The following UGGT2 variants were observed in gnomAD, a reference collection of about 807,000 sequenced individuals.
UGGT2 encodes UDP-glucose:glycoprotein glucosyltransferase 2.
Under a neutral mutation model 192.1 loss-of-function variants are expected in UGGT2, and 180 were observed. That is an observed-to-expected ratio of 0.94 (90% CI 0.83 to 1.06). The LOEUF is 1.06. UGGT2 is among the 50% of genes least tolerant of loss of function. The pLI, the probability that UGGT2 is intolerant of heterozygous loss-of-function variation, is 0.00. For missense variants in UGGT2, 1,849 were observed against 1,795.7 expected, an observed-to-expected ratio of 1.03 and a Z score of -0.54; for synonymous variants, 580 against 591.0, an observed-to-expected ratio of 0.98 and a Z score of 0.27.
At chr13:96,034,654 G>A (rs531569999) in intron 1 of UGGT2, among the ~76,000 whole-genome samples, 141 of 152,306 alleles carry the variant, frequency 9.3e-4, no homozygotes, top group African/African-American at 3.3e-3. Context: ...TGTGGTTCCT[G>A]GTATCTCCAA....
chr13:95,955,694 T>C (rs2050192801), intron 12 of UGGT2, among the ~76,000 whole-genome samples: 1 of 152,186 alleles, frequency 6.6e-6, no homozygotes. Flanking sequence ...AGGGTTTGGT[T>C]AGAGGGTCAA....
At chr13:95,904,565 G>A (rs1041910731) in intron 20 of UGGT2, among the ~76,000 whole-genome samples, 17 of 150,822 alleles carry the variant, frequency 1.1e-4, no homozygotes, top group Admixed American at 8.0e-4. Context: ...TTGTTCTTGC[G>A]ATAGTTTACT....
intron 6 of UGGT2, among the ~76,000 whole-genome samples, chr13:95,996,783 A>T (rs1256000721): frequency 6.6e-6 from 1 of 152,212 alleles, no homozygotes; most frequent in Non-Finnish European, 1.5e-5. Flanking sequence ...CCAAACCCTA[A>T]GTTTAAATAT....
At chr13:95,968,497 G>A (rs931006778) in intron 12 of UGGT2, among the ~76,000 whole-genome samples, 8 of 152,018 alleles carry the variant, frequency 5.3e-5, no homozygotes, top group African/African-American at 1.9e-4. Flanking sequence ...TGGGTCATGG[G>A]GGCAGATCCC....
chr13:95,841,605 T>C (rs1887870985), intron 36 of UGGT2, among the ~76,000 whole-genome samples: 1 of 152,238 alleles, frequency 6.6e-6, no homozygotes, highest in South Asian at 2.1e-4. Context: ...TAGTATCTTG[T>C]CAGACACATG....
Position 95,847,056 on chromosome 13 carries a change from CTTTTCT to C in UGGT2, c.4284+6481_4284+6486del, listed in dbSNP as rs1288533644. On this transcript the variant is annotated intron_variant, in intron 36 of 38. Coordinates refer to ENST00000376747, the MANE Select transcript of UGGT2 (RefSeq NM_020121.4). ...CAAAAATGCATCTTTCTTTTCTTTT[CTTTTCT>C]TTTTTTTTTTTATTTTACTGATTGC... Among the ~76,000 whole-genome samples, 74 of 101,212 alleles carry C rather than the reference CTTTTCT, an allele frequency of 7.3e-4. 1 individual carries two copies. Among genetic ancestry groups the C allele is most frequent in the East Asian group, 7.0e-4 (2 of 2,848 alleles). 66.4% of individuals were successfully genotyped at this position (101,212 alleles called of 152,430 possible). A position where few individuals can be genotyped will look rare whatever the true frequency, so the allele number is the denominator to read the frequency against.
Position 95,953,754 on chromosome 13 carries a change from C to T in UGGT2, c.1336-4300G>A, listed in dbSNP as rs1299847141. 3.3e-5 allele frequency among the ~76,000 whole-genome samples: 5 copies of T among 151,998 alleles called. No homozygotes were observed. In the East Asian group the frequency reaches 7.7e-4, roughly 24 times the overall value. ...CAAAAAAAAAACTTGGTGAATAGGC[C>T]GTTCCACATTTGGAGAAAAAAGAAT... is the stretch of plus-strand genomic sequence containing the variant. On this transcript the variant is annotated intron_variant, in intron 12 of 38. Transcript: ENST00000376747.
chr13:96,000,697 AT>A (rs2051771728), intron 5 of UGGT2, among the ~76,000 whole-genome samples: 1 of 152,184 alleles, frequency 6.6e-6, no homozygotes, highest in African/African-American at 2.4e-5. Context: ...CACATAGCCA[AT>A]TTCCATTATC....
chr13:96,045,997 T>C (rs1436096006), intron 1 of UGGT2, among the ~76,000 whole-genome samples: 1 of 151,966 alleles, frequency 6.6e-6, no homozygotes, highest in African/African-American at 2.4e-5. Context: ...CTAAAATTCA[T>C]ATGGAACCAA....
intron 38 of UGGT2, among the ~76,000 whole-genome samples, chr13:95,831,267 AAAGTAT>A (rs1886653255): frequency 6.6e-6 from 1 of 152,112 alleles, no homozygotes; most frequent in Non-Finnish European, 1.5e-5. Flanking sequence ...CCTAGAACTT[AAAGTAT>A]AATAATAATA....
intron 24 of UGGT2, 33 bp from the exon 25 acceptor site, chr13:95,890,997 GTGTTAAGTTTAT>G (rs1566645879): frequency 2.0e-6 from 3 of 1,479,322 alleles, no homozygotes; most frequent in Middle Eastern, 1.7e-4. Context: ...GAAAGATGAC[GTGTTAAGTTTAT>G]ACAAACAACT....
rs896005546 is a variant in UGGT2, at chr13:95,856,040, G to A, written c.4008+118C>T. ...GATACTTTGCTTATATATCACAATCGTATCTTAAGCACCGTAATGAAGATA... is the reference window on the plus strand; with the variant it reads ...GATACTTTGCTTATATATCACAATCATATCTTAAGCACCGTAATGAAGATA... On this transcript the variant is annotated intron_variant, in intron 34 of 38. Coordinates refer to ENST00000376747, the MANE Select transcript of UGGT2 (RefSeq NM_020121.4). 47 of 815,838 alleles carry A rather than the reference G, an allele frequency of 5.8e-5. 1 individual carries two copies. The highest frequency in any genetic ancestry group is 2.2e-4 in the Admixed American group (6 of 27,692). The allele number at this position is 815,838 out of a possible 1,614,324, so 50.5% of individuals were successfully genotyped here. A position where few individuals can be genotyped will look rare whatever the true frequency, so the allele number is the denominator to read the frequency against.
rs1594535255 is a variant in UGGT2 at position 95,996,094 on chromosome 13, C to G, written c.799G>C (p.Glu267Gln). ...TTVEDETETN[E>Q]VQGFLFGKLK... ...TTCCCAAAGAGAAATCCTTGAACTT[C>G]ATTTGTTTCAGTCTCATCCTCTACA... The change falls in exon 7 of 39, where the codon GAA becomes CAA. Residue 267 changes from glutamate to glutamine, a missense_variant. Physicochemically the swap from Glu to Gln is conservative, Grantham distance 29. Coordinates refer to ENST00000376747, the MANE Select transcript of UGGT2 (RefSeq NM_020121.4). The G allele has an allele frequency of 1.9e-6, 3 of 1,613,704 alleles. No individual in the cohort carries two copies. In the East Asian group the frequency reaches 6.7e-5, roughly 36 times the overall value.
At chr13:95,833,464 T>C (rs1594102117) in intron 37 of UGGT2, among the ~76,000 whole-genome samples, 2 of 152,082 alleles carry the variant, frequency 1.3e-5, no homozygotes, top group Non-Finnish European at 2.9e-5. Context: ...TTACTAGTAG[T>C]AGGATGTGTA....
chr13:95,897,482 T>G (rs957516377), intron 22 of UGGT2, among the ~76,000 whole-genome samples: 1 of 152,190 alleles, frequency 6.6e-6, no homozygotes, highest in East Asian at 1.9e-4. Context: ...GTGATCATCA[T>G]TGTACCCTAG....
chr13:95,808,751 A>G (rs963312026), intron 38 of UGGT2, among the ~76,000 whole-genome samples: 1 of 152,336 alleles, frequency 6.6e-6, no homozygotes. Flanking sequence ...ACTGAATAGC[A>G]TGTACACTAC....
At chr13:95,941,758 C>T (rs2049687797) in intron 15 of UGGT2, among the ~76,000 whole-genome samples, 1 of 152,058 alleles carries the variant, frequency 6.6e-6, no homozygotes, top group South Asian at 2.1e-4. Context: ...ACATAACATA[C>T]ACATTATGAG....
At chr13:95,823,021 T>C (rs1297236877) in intron 38 of UGGT2, among the ~76,000 whole-genome samples, 1 of 152,136 alleles carries the variant, frequency 6.6e-6, no homozygotes, top group Non-Finnish European at 1.5e-5. Flanking sequence ...ATCTTTGAAT[T>C]TCCATCTTGA....
chr13:95,809,920 T>C (rs957707976), intron 38 of UGGT2, among the ~76,000 whole-genome samples: 6 of 152,238 alleles, frequency 3.9e-5, no homozygotes, highest in Non-Finnish European at 8.8e-5. Flanking sequence ...CTTATAGTAA[T>C]CCTGCACCCA....
Sources: gnomAD v4.1 joint callset for allele counts (sites outside exome capture counted in the v4.1 genomes callset) on GRCh38, gnomAD v4.1.1 for gene constraint, MANE v1.5 for transcripts, NCBI Gene and HGNC (gene_info 2026-07-23, HGNC 2026-07-21) for gene names.